Variants in KANK1 observed in about 807,000 individuals in gnomAD.
KANK1 encodes KN motif and ankyrin repeat domain-containing protein 1.
A neutral mutation model predicts 106.2 loss-of-function variants in KANK1; 109 were observed. That is an observed-to-expected ratio of 1.03 (90% CI 0.88 to 1.20). The LOEUF (loss-of-function observed/expected upper bound fraction) is 1.20, where lower values mean the gene tolerates loss of function less well. KANK1 is among the 50% of genes most tolerant of loss of function. KANK1 has a pLI of 0.00. For missense variants in KANK1, 2,399 were observed against 1,710.7 expected, an observed-to-expected ratio of 1.40 and a Z score of -7.10; for synonymous variants, 873 against 652.2, an observed-to-expected ratio of 1.34 and a Z score of -5.16.
chr9:600,620 CTAG>C (rs1827500006), intron 1 of KANK1, among the ~76,000 whole-genome samples: 1 of 151,870 alleles, frequency 6.6e-6, no homozygotes, highest in Admixed American at 6.6e-5. Context: ...GAGGAAACAA[CTAG>C]TAGCACATAA....
At chr9:692,177 C>T (rs1391153700) in intron 2 of KANK1, among the ~76,000 whole-genome samples, 1 of 152,166 alleles carries the variant, frequency 6.6e-6, no homozygotes, top group Non-Finnish European at 1.5e-5. Context: ...ATCTTGGTGC[C>T]TGCACATGCC....
intron 1 of KANK1, among the ~76,000 whole-genome samples, chr9:629,974 G>A (rs572822563): frequency 6.0e-4 from 92 of 152,302 alleles, no homozygotes; most frequent in African/African-American, 2.1e-3. Flanking sequence ...AAGGCCAGGC[G>A]CACTGGCTCA....
At chr9:593,750 C>G (rs555521448) in intron 1 of KANK1, among the ~76,000 whole-genome samples, 23 of 151,936 alleles carry the variant, frequency 1.5e-4, no homozygotes, top group African/African-American at 4.4e-4. Context: ...GAAATGGAGA[C>G]TCCAAAGGGA....
chr9:732,301 A>G (rs1408437670), intron 5 of KANK1, 77 bp from the exon 6 acceptor site: 1 of 1,515,238 alleles, frequency 6.6e-7, no homozygotes, highest in East Asian at 2.3e-5. Flanking sequence ...CAATTAGCAA[A>G]TCCCTTCATA....
chr9:582,100 C>T (rs1005598969), intron 1 of KANK1, among the ~76,000 whole-genome samples: 10 of 152,124 alleles, frequency 6.6e-5, no homozygotes, highest in African/African-American at 2.4e-4. Flanking sequence ...TGCTGGCTGC[C>T]GCCAGGTGGT....
In KANK1 at chr9:484,935, C is replaced by CAAAA. The variant is rs60286162; in HGVS notation, c.-362+11670_-362+11673dup. ...GCTTTGACATCTGCCATGGAGAATG[C>CAAAA]AAAAAAAAAAAGTTAGGCCTCATAA... On this transcript the variant is annotated intron_variant, in intron 3 of 15. Transcript: ENST00000382303. 1.8e-3 allele frequency among the ~76,000 whole-genome samples: 259 copies of CAAAA among 144,492 alleles called. 2 individuals carry two copies. Among genetic ancestry groups the CAAAA allele is most frequent in the African/African-American group, 6.2e-3 (245 of 39,708 alleles). The allele number at this position is 144,492 out of a possible 152,430, so 94.8% of individuals were successfully genotyped here.
At chr9:617,821 T>C (rs1312156971) in intron 1 of KANK1, among the ~76,000 whole-genome samples, 2 of 152,242 alleles carry the variant, frequency 1.3e-5, no homozygotes, top group Non-Finnish European at 1.5e-5. Context: ...AGGTTTCTCA[T>C]AGGAGTAGGC....
intron 1 of KANK1, among the ~76,000 whole-genome samples, chr9:587,145 CA>C (rs1489786995): frequency 1.3e-5 from 2 of 152,098 alleles, no homozygotes; most frequent in African/African-American, 4.8e-5. Context: ...ATTAAGATAA[CA>C]TATCGTTTTT....
rs1826227691 is a variant in KANK1, at chr9:711,936, A to G, written c.1170A>G (p.Ser390=). The change falls in exon 3 of 12, where the codon TCA becomes TCG. Residue 390 remains serine, a synonymous_variant. Transcript: ENST00000382297. ...KIQDSSCEAS[S]ELRENGECRS... The stretch of plus-strand genomic sequence containing the variant: ...AGGACAGCAGCTGTGAGGCCTCCTC[A>G]GAGCTCAGGGAGAATGGAGAGTGCC... 1.9e-6 allele frequency: 3 copies of G among 1,614,216 alleles called. No homozygotes were observed. Among genetic ancestry groups the G allele is most frequent in the East Asian group, 2.2e-5 (1 of 44,886 alleles).
chr9:500,577 T>C (rs887234005), upstream of KANK1, among the ~76,000 whole-genome samples: 3 of 152,154 alleles, frequency 2.0e-5, no homozygotes, highest in Admixed American at 6.5e-5. Flanking sequence ...AAGTGAAACT[T>C]TGTTTGCTCC....
At chr9:681,354 T>G (rs1438916810) in intron 2 of KANK1, among the ~76,000 whole-genome samples, 1 of 152,216 alleles carries the variant, frequency 6.6e-6, no homozygotes, top group Non-Finnish European at 1.5e-5. Flanking sequence ...TGGTGATTGT[T>G]GGTTAGGAAA....
At chr9:598,942 A>G (rs1364675398) in intron 1 of KANK1, among the ~76,000 whole-genome samples, 1 of 145,378 alleles carries the variant, frequency 6.9e-6, no homozygotes, top group African/African-American at 2.6e-5. Context: ...ATCCCTAGGT[A>G]TTTTATTCTT....
At chr9:687,785 T>TAA (rs1291121955) in intron 2 of KANK1, among the ~76,000 whole-genome samples, 2 of 152,236 alleles carry the variant, frequency 1.3e-5, no homozygotes, top group Non-Finnish European at 2.9e-5. Context: ...TTTATTCTGT[T>TAA]ATTATTCTAT....
At chr9:691,404 GTATA>G (rs1212322163) in intron 2 of KANK1, among the ~76,000 whole-genome samples, 5 of 149,586 alleles carry the variant, frequency 3.3e-5, no homozygotes, top group African/African-American at 4.9e-5. Context: ...GTGTGTGTGT[GTATA>G]TATATATATA....
chr9:717,476 T>C (rs1828039060), intron 3 of KANK1, among the ~76,000 whole-genome samples: 1 of 152,218 alleles, frequency 6.6e-6, no homozygotes, highest in African/African-American at 2.4e-5. Context: ...TCCGCCTCTT[T>C]GTTTTTTCAC....
intron 7 of KANK1, among the ~76,000 whole-genome samples, chr9:735,984 G>A (rs1257477499): frequency 6.6e-6 from 1 of 152,068 alleles, no homozygotes; most frequent in Admixed American, 6.5e-5. Flanking sequence ...GACAGAGTGA[G>A]ACTCCATCTG....
At position 715,702 on chromosome 9, in the gene KANK1, C is replaced by T. The variant is rs1208258574; in HGVS notation, c.2698+2238C>T. Among the ~76,000 whole-genome samples, 32 of 152,204 alleles carry T rather than the reference C, an allele frequency of 2.1e-4. 1 individual carries two copies. Among genetic ancestry groups the T allele is most frequent in the Admixed American group, 2.0e-3 (30 of 15,264 alleles). The stretch of plus-strand genomic sequence containing the variant: ...ATATTTTTAACAGCACTTATTTAGT[C>T]ACAATGGCAGCCCCTCTCAGAGCAC... On this transcript the variant is annotated intron_variant, in intron 3 of 11. Transcript: ENST00000382297.
chr9:484,826 T>C (rs1183188690), intron 3 of KANK1, among the ~76,000 whole-genome samples: 1 of 152,120 alleles, frequency 6.6e-6, no homozygotes, highest in Non-Finnish European at 1.5e-5. Flanking sequence ...ACTTTCTGGA[T>C]TTCTCTGGGG....
chr9:634,285 G>A (rs1257535055), intron 1 of KANK1, among the ~76,000 whole-genome samples: 1 of 152,174 alleles, frequency 6.6e-6, no homozygotes, highest in Non-Finnish European at 1.5e-5. Flanking sequence ...AAATCATAGG[G>A]ATGTGCAAAA....
Sources: gnomAD v4.1 joint callset for allele counts (sites outside exome capture counted in the v4.1 genomes callset) on GRCh38, gnomAD v4.1.1 for gene constraint, MANE v1.5 for transcripts, NCBI Gene and HGNC (gene_info 2026-07-23, HGNC 2026-07-21) for gene names.